The following MCM4 variants were observed in gnomAD, a reference collection of about 807,000 sequenced individuals.
MCM4 encodes the protein minichromosome maintenance complex component 4, also known as DNA replication licensing factor MCM4.
MCM4 carries 60 observed loss-of-function variants against 88.7 expected under a neutral mutation model. The observed-to-expected ratio is 0.68, with a 90% CI of 0.55 to 0.84. The LOEUF is 0.84. Among genes scored for constraint, MCM4 ranks in the 40% least tolerant of loss-of-function variants. The pLI, the probability that MCM4 is intolerant of heterozygous loss-of-function variation, is 0.00. For synonymous variants in MCM4, 465 were observed against 410.5 expected, an observed-to-expected ratio of 1.13 and a Z score of -1.61; for missense variants, 1,149 against 1,105.5, an observed-to-expected ratio of 1.04 and a Z score of -0.56.
chr8:47,962,199 G>C lies in MCM4; in HGVS notation c.382G>C (p.Asp128His). ...CTCTGCACAGAAGGGCCTGCAAGTGGATCTGCAGTCTGACGGGGTGAGTAT... is the reference window on the plus strand; with the variant it reads ...CTCTGCACAGAAGGGCCTGCAAGTGCATCTGCAGTCTGACGGGGTGAGTAT... Reference protein sequence around the residue: ...LGSAQKGLQVDLQSDGAAAED... With the variant: ...LGSAQKGLQVHLQSDGAAAED... The change falls in exon 4 of 17, where the codon GAT becomes CAT. Residue 128 changes from aspartate to histidine, a missense_variant. By Grantham distance (81) the Asp-to-His change is moderately conservative (BLOSUM62 -1). Transcript: ENST00000649973. 6.2e-7 allele frequency: 1 copy of C among 1,614,198 alleles called. No individual in the cohort carries two copies. Among genetic ancestry groups the C allele is most frequent in the Non-Finnish European group, 8.5e-7 (1 of 1,180,026 alleles).
chr8:47,970,495 GTC>G lies in MCM4; in HGVS notation c.1435-12_1435-11del, dbSNP rs745586551. 5.1e-6 allele frequency: 8 copies of G among 1,583,210 alleles called. No individual in the cohort carries two copies. The highest frequency in any genetic ancestry group is 4.0e-5 in the African/African-American group (3 of 74,420). On this transcript the variant is annotated splice_polypyrimidine_tract_variant and intron_variant, in intron 11 of 16. Transcript: ENST00000649973. ...GTGCAGAAAATGAATGTTTAGACAT[GTC>G]TCTGATTATTTAGGGAATTTTGCTT...
intron 10 of MCM4, chr8:47,969,546 C>G (rs143561534): frequency 5.8e-6 from 3 of 514,398 alleles, no homozygotes; most frequent in Non-Finnish European, 1.0e-5. Flanking sequence ...ACATGAGCCA[C>G]CTTGGTTCTT....
At chr8:47,965,141 G>A (rs1052112513) in intron 8 of MCM4, among the ~76,000 whole-genome samples, 2 of 152,242 alleles carry the variant, frequency 1.3e-5, no homozygotes, top group Middle Eastern at 6.8e-3. Context: ...CTTGAACCCG[G>A]GAGGCGGAGG....
chr8:47,972,249 A>C (rs576071330), intron 13 of MCM4, among the ~76,000 whole-genome samples: 1 of 152,004 alleles, frequency 6.6e-6, no homozygotes, highest in East Asian at 1.9e-4. Flanking sequence ...AAAAAAAAAA[A>C]AAAAAAAACT....
At chr8:47,967,560 G>T in intron 10 of MCM4, 75 bp downstream of exon 10, 2 of 1,588,344 alleles carry the variant, frequency 1.3e-6, no homozygotes, top group Non-Finnish European at 8.6e-7. Flanking sequence ...TGAGTCATTG[G>T]ACTTGGTCAC....
In MCM4 at chr8:47,962,217, G is replaced by T; in HGVS notation, c.399+1G>T. On this transcript the variant is annotated splice_donor_variant, in intron 4 of 16. Coordinates refer to ENST00000649973, the MANE Select transcript of MCM4 (RefSeq NM_182746.3). LOFTEE classifies it high-confidence loss of function. ...GCAAGTGGATCTGCAGTCTGACGGGGTGAGTATGCAGTCTCCTGAAACCAT... is the reference window on the plus strand; with the variant it reads ...GCAAGTGGATCTGCAGTCTGACGGGTTGAGTATGCAGTCTCCTGAAACCAT... 1 of 1,614,162 alleles carries T rather than the reference G, an allele frequency of 6.2e-7. No homozygotes were observed. The highest frequency in any genetic ancestry group is 8.5e-7 in the Non-Finnish European group (1 of 1,180,020).
At chr8:47,965,880 G>A (rs17334374) in intron 8 of MCM4, among the ~76,000 whole-genome samples, 1 of 152,150 alleles carries the variant, frequency 6.6e-6, no homozygotes, top group South Asian at 2.1e-4. Context: ...AGTCCAGGCT[G>A]TCTGGCTTTT....
At chr8:47,975,542 A>C (rs2090993970) in intron 15 of MCM4, 173 bp from the exon 16 acceptor site, 1 of 461,790 alleles carries the variant, frequency 2.2e-6, no homozygotes, top group African/African-American at 2.0e-5. Context: ...GGAAAGCAGC[A>C]GCTAGTGGCT....
chr8:47,967,633 T>G, intron 10 of MCM4, 148 bp downstream of exon 10: 1 of 985,888 alleles, frequency 1.0e-6, no homozygotes, highest in Non-Finnish European at 1.5e-6. Flanking sequence ...TATCCCTGCT[T>G]TATCTGCCAC....
At chr8:47,967,825 G>C (rs1055484854) in intron 10 of MCM4, among the ~76,000 whole-genome samples, 12 of 152,122 alleles carry the variant, frequency 7.9e-5, no homozygotes, top group African/African-American at 2.9e-4. Context: ...AGGCTTGTAT[G>C]GGTAAAGTTT....
intron 12 of MCM4, 92 bp downstream of exon 12, chr8:47,970,968 G>A: frequency 6.9e-7 from 1 of 1,452,262 alleles, no homozygotes; most frequent in Non-Finnish European, 9.2e-7. Context: ...GTGCTACCTT[G>A]GTTCTAACTT....
chr8:47,970,557 A>T lies in MCM4; in HGVS notation c.1481A>T (p.His494Leu), dbSNP rs1305018663. 3.1e-6 allele frequency: 5 copies of T among 1,611,696 alleles called. No individual in the cohort carries two copies. Among genetic ancestry groups the T allele is most frequent in the Admixed American group, 1.7e-5 (1 of 59,872 alleles). ...GGCGGGACAAGGAAGGATTTTAGTC[A>T]CACTGGAAGGGGCAAATTTCGGGCT... ...LFGGTRKDFS[H>L]TGRGKFRAEI... The change falls in exon 12 of 17, where the codon CAC becomes CTC. Residue 494 changes from histidine to leucine, a missense_variant. His to Leu is a moderately conservative substitution (Grantham distance 99). Transcript: ENST00000649973.
Position 47,972,929 on chromosome 8 carries a change from C to G in MCM4, c.2001C>G (p.Val667=). 6.2e-7 allele frequency: 1 copy of G among 1,614,188 alleles called. No homozygotes were observed. Among genetic ancestry groups the G allele is most frequent in the Non-Finnish European group, 8.5e-7 (1 of 1,180,028 alleles). The change falls in exon 14 of 17, where the codon GTC becomes GTG. Residue 667 remains valine (V), a synonymous_variant. Coordinates refer to ENST00000649973, the MANE Select transcript of MCM4 (RefSeq NM_182746.3). ...AYDRRLAHHL[V]ALYYQSEEQA... ...ACAGGCGTCTGGCTCACCACCTGGT[C>G]GCACTGTACTACCAGAGCGAGGAGC...
chr8:47,967,293 A>G, intron 9 of MCM4, 72 bp from the exon 10 acceptor site: 1 of 1,579,512 alleles, frequency 6.3e-7, no homozygotes, highest in Non-Finnish European at 8.7e-7. Flanking sequence ...CAAAAGCAGT[A>G]CAAAGACATG....
chr8:47,970,475 G>A (rs1260511430), intron 11 of MCM4, 36 bp from the exon 12 acceptor site: 3 of 1,559,174 alleles, frequency 1.9e-6, no homozygotes, highest in South Asian at 2.4e-5. Flanking sequence ...TAACTGTGCA[G>A]AAAATGAATG....
rs150289235 is a variant in MCM4 at position 47,970,573 on chromosome 8, A to G, written c.1497A>G (p.Lys499=). 11 of 1,613,816 alleles carry G rather than the reference A, an allele frequency of 6.8e-6. No individual in the cohort carries two copies. In the African/African-American group the frequency reaches 1.5e-4, roughly 22 times the overall value. The change falls in exon 12 of 17, where the codon AAA becomes AAG. Residue 499 remains lysine, a synonymous_variant. Coordinates refer to ENST00000649973, the MANE Select transcript of MCM4 (RefSeq NM_182746.3). The part of the protein sequence containing the change: ...RKDFSHTGRG[K]FRAEINILLC... ...ATTTTAGTCACACTGGAAGGGGCAA[A>G]TTTCGGGCTGAGATCAACATCTTGC...
intron 10 of MCM4, among the ~76,000 whole-genome samples, chr8:47,968,772 G>A (rs1046005877): frequency 6.6e-6 from 1 of 151,344 alleles, no homozygotes; most frequent in Non-Finnish European, 1.5e-5. Flanking sequence ...ACGGGGAAAG[G>A]CCAGGCTTTC....
At position 47,966,288 on chromosome 8, in the gene MCM4, A is replaced by G; in HGVS notation, c.934A>G (p.Thr312Ala). Residue 312 changes from threonine (T) to alanine (A), a missense_variant, in exon 9 of 17, where the codon ACG (threonine) becomes GCG (alanine). This residue lies in a region of MCM4 where 906 missense variants were observed against 843.0 expected (regional missense o/e 1.07). Transcript: ENST00000649973. ...CTTCCAGTGCCAAGTGTGTGCCCAC[A>G]CGACCCGGGTGGAGATGGACCGCGG... ...AFFQCQVCAHTTRVEMDRGRI... is the reference protein window; with the variant it reads ...AFFQCQVCAHATRVEMDRGRI... 5 of 1,614,006 alleles carry G rather than the reference A, an allele frequency of 3.1e-6. No individual in the cohort carries two copies. The highest frequency in any genetic ancestry group is 4.2e-6 in the Non-Finnish European group (5 of 1,180,012).
Position 47,966,276 on chromosome 8 carries a change from G to A in MCM4, c.922G>A (p.Val308Met). Residue 308 changes from valine to methionine, a missense_variant, in exon 9 of 17, where the codon GTG becomes ATG. Around this residue, in one of 3 missense-constraint regions of MCM4, gnomAD observed 906 missense variants for 843.0 expected, o/e 1.07. Coordinates refer to ENST00000649973, the MANE Select transcript of MCM4 (RefSeq NM_182746.3). ...EMQEAFFQCQ[V>M]CAHTTRVEMD... ...GCAGGAGGCCTTCTTCCAGTGCCAA[G>A]TGTGTGCCCACACGACCCGGGTGGA... 1 of 1,614,096 alleles carries A rather than the reference G, an allele frequency of 6.2e-7. No individual in the cohort carries two copies. The highest frequency in any genetic ancestry group is 8.5e-7 in the Non-Finnish European group (1 of 1,180,032).
Sources: gnomAD v4.1 joint callset for allele counts (sites outside exome capture counted in the v4.1 genomes callset) on GRCh38, gnomAD v4.1.1 for gene constraint, gnomAD v4.1.1 regional missense constraint, MANE v1.5 for transcripts, NCBI Gene and HGNC (gene_info 2026-07-23, HGNC 2026-07-21) for gene names.